The following FAAH2 variants were observed in gnomAD, a reference collection of about 807,000 sequenced individuals.
FAAH2 encodes the protein fatty acid amide hydrolase 2.
Under a neutral mutation model 36.9 loss-of-function variants are expected in FAAH2, and 60 were observed. The observed-to-expected ratio is 1.63, with a 90% CI of 1.32 to 2.02. FAAH2 has a LOEUF of 2.02. Ranked by LOEUF, FAAH2 falls within the 30% of genes most tolerant of loss-of-function variation. The pLI is 0.00. For synonymous variants in FAAH2, 214 were observed against 143.8 expected, an observed-to-expected ratio of 1.49 and a Z score of -3.49; for missense variants, 689 against 397.5, an observed-to-expected ratio of 1.73 and a Z score of -6.23.
chrX:57,290,883 CTCTTAGATCCATTGGTTA>C (rs1398934498), intron 1 of FAAH2, among the ~76,000 whole-genome samples: 1 of 111,089 alleles, frequency 9.0e-6, no homozygotes, highest in Non-Finnish European at 1.9e-5. Flanking sequence ...TTTTGTTTAC[CTCTTAGATCCATTGGTTA>C]TATGGAAGAA....
At chrX:57,328,921 C>A (rs371674965) in intron 3 of FAAH2, among the ~76,000 whole-genome samples, 5 of 111,395 alleles carry the variant, frequency 4.5e-5, no homozygotes, top group Non-Finnish European at 7.5e-5. Context: ...AGGTTAGGAA[C>A]CTTCTGGGAG....
chrX:57,150,077 C>T, the FAAH2 span, among the ~76,000 whole-genome samples: 34 of 111,901 alleles, frequency 3.0e-4, no homozygotes, highest in Middle Eastern at 4.6e-3. Flanking sequence ...GTTTTGAGAG[C>T]GTTTCTTAAT....
At chrX:57,420,559 T>C (rs1411667427) in intron 7 of FAAH2, among the ~76,000 whole-genome samples, 76 of 110,804 alleles carry the variant, frequency 6.9e-4, no homozygotes, top group Non-Finnish European at 1.2e-3. Flanking sequence ...GTGATTTTTG[T>C]ACATTGATTT....
intron 7 of FAAH2, chrX:57,394,546 T>G (rs1458736827): frequency 7.5e-6 from 9 of 1,206,622 alleles, no homozygotes; most frequent in Admixed American, 6.6e-5. Flanking sequence ...TCCACTTTCC[T>G]GGCTTAAATT....
the FAAH2 span, among the ~76,000 whole-genome samples, chrX:57,213,189 C>T: frequency 3.6e-5 from 4 of 111,035 alleles, no homozygotes; most frequent in Admixed American, 3.8e-4. Flanking sequence ...TCCTTTTAAA[C>T]TCGTGATTGT....
chrX:57,318,022 G>T (rs1183017709), intron 3 of FAAH2, among the ~76,000 whole-genome samples: 2 of 111,592 alleles, frequency 1.8e-5, no homozygotes, highest in Non-Finnish European at 3.8e-5. Flanking sequence ...AGTGTTTAGA[G>T]GGAAATTTAT....
chrX:57,434,649 C>A (rs1231931324), intron 8 of FAAH2, among the ~76,000 whole-genome samples: 1 of 109,686 alleles, frequency 9.1e-6, no homozygotes, highest in East Asian at 2.9e-4. Flanking sequence ...GCAAAAATAA[C>A]AATACTTACA....
At chrX:57,305,815 T>C in intron 2 of FAAH2, among the ~76,000 whole-genome samples, 1 of 111,695 alleles carries the variant, frequency 9.0e-6, no homozygotes, top group African/African-American at 3.3e-5. Context: ...TATTTTCACC[T>C]CCTAATCACA....
At chrX:57,150,338 C>A in the FAAH2 span, among the ~76,000 whole-genome samples, 1 of 111,738 alleles carries the variant, frequency 8.9e-6, no homozygotes, top group African/African-American at 3.3e-5. Flanking sequence ...TCTCATTGAT[C>A]TGTCTAATGT....
rs577026137 is a variant in FAAH2 at position 57,390,530 on chromosome X, C to T, written c.996+9501C>T. Among the ~76,000 whole-genome samples the T allele has an allele frequency of 5.7e-4, 63 of 111,100 alleles. 1 individual carries two copies. In the South Asian group the frequency reaches 0.023, roughly 40 times the overall value. ...GAGTTGCCAGTGTCAATTATTTCTGCCTACTTGTCCAAGTGTATCCATTGT... is the reference window on the plus strand; with the variant it reads ...GAGTTGCCAGTGTCAATTATTTCTGTCTACTTGTCCAAGTGTATCCATTGT... On this transcript the variant is annotated intron_variant, in intron 7 of 10. Coordinates refer to ENST00000374900, the MANE Select transcript of FAAH2 (RefSeq NM_174912.4).
intron 3 of FAAH2, among the ~76,000 whole-genome samples, chrX:57,313,299 A>G (rs1287821976): frequency 9.1e-6 from 1 of 110,353 alleles, no homozygotes; most frequent in African/African-American, 3.3e-5. Context: ...AGGAGAGAGA[A>G]TAATCAACTT....
chrX:57,248,997 A>C, the FAAH2 span, among the ~76,000 whole-genome samples: 1 of 109,934 alleles, frequency 9.1e-6, no homozygotes, highest in African/African-American at 3.3e-5. Context: ...TTGCACTTTT[A>C]TGAAAAATAG....
At chrX:57,230,559 A>G in the FAAH2 span, among the ~76,000 whole-genome samples, 1 of 111,601 alleles carries the variant, frequency 9.0e-6, no homozygotes, top group African/African-American at 3.2e-5. Flanking sequence ...TGTTAATATT[A>G]TCTTTATTTT....
intron 7 of FAAH2, among the ~76,000 whole-genome samples, chrX:57,386,624 A>G (rs2055030504): frequency 8.9e-6 from 1 of 112,131 alleles, no homozygotes; most frequent in South Asian, 3.7e-4. Flanking sequence ...AACTTAATGT[A>G]CAGACTCTTC....
chrX:57,384,719 T>A (rs1194824955), intron 7 of FAAH2, among the ~76,000 whole-genome samples: 1 of 111,609 alleles, frequency 9.0e-6, no homozygotes, highest in African/African-American at 3.3e-5. Context: ...ACTTTTACAC[T>A]GTTGGTGAGA....
chrX:57,284,349 C>T (rs962103364), upstream of FAAH2, among the ~76,000 whole-genome samples: 4 of 110,825 alleles, frequency 3.6e-5, no homozygotes, highest in Admixed American at 1.9e-4. Context: ...ACTCCAGTGG[C>T]GCTCCAGCCT....
At chrX:57,312,052 C>T (rs1208165019) in intron 3 of FAAH2, among the ~76,000 whole-genome samples, 1 of 112,149 alleles carries the variant, frequency 8.9e-6, no homozygotes, top group Non-Finnish European at 1.9e-5. Context: ...CATATCTCTG[C>T]TGCAGCCCCT....
Position 57,331,629 on chromosome X carries a change from T to C in FAAH2, c.444T>C (p.Arg148=). Residue 148 remains arginine (R), a synonymous_variant, in exon 4 of 11, where the codon CGT becomes CGC. Transcript: ENST00000374900. ...CCAATTCTTCTGGACTCATGAACCG[T>C]CGTGATGCCATTGCCAAAACAGATG... ...GMPNSSGLMN[R]RDAIAKTDAT... is the part of the protein sequence containing the mutation. 8.3e-7 allele frequency: 1 copy of C among 1,211,580 alleles called. No individual in the cohort carries two copies. The highest frequency in any genetic ancestry group is 1.8e-5 in the South Asian group (1 of 56,976).
the FAAH2 span, among the ~76,000 whole-genome samples, chrX:57,254,491 G>A: frequency 1.1e-4 from 12 of 111,500 alleles, no homozygotes; most frequent in South Asian, 3.8e-4. Context: ...GCACCACATC[G>A]CACTTATTCT....
Sources: gnomAD v4.1 joint callset for allele counts (sites outside exome capture counted in the v4.1 genomes callset) on GRCh38, gnomAD v4.1.1 for gene constraint, MANE v1.5 for transcripts, NCBI Gene and HGNC (gene_info 2026-07-23, HGNC 2026-07-21) for gene names.